Variants in HERC4 observed in about 807,000 individuals in gnomAD.
HERC4 encodes probable E3 ubiquitin-protein ligase HERC4.
A neutral mutation model predicts 124.3 loss-of-function variants in HERC4; 28 were observed. The observed-to-expected ratio is 0.23, with a 90% CI of 0.17 to 0.31. The LOEUF (loss-of-function observed/expected upper bound fraction) is 0.31. Ranked by LOEUF, HERC4 falls within the 10% of genes least tolerant of loss-of-function variation. The pLI, the probability that HERC4 is intolerant of heterozygous loss-of-function variation, is 1.00. For missense variants in HERC4, 713 were observed against 1,229.3 expected, an observed-to-expected ratio of 0.58 and a Z score of 6.28; for synonymous variants, 407 against 421.5, an observed-to-expected ratio of 0.97 and a Z score of 0.42.
intron 9 of HERC4, among the ~76,000 whole-genome samples, chr10:68,011,803 T>TA (rs1334730453): frequency 1.3e-5 from 2 of 152,224 alleles, no homozygotes; most frequent in Non-Finnish European, 2.9e-5. Context: ...CATTAGACCC[T>TA]AAAAGAGAGT....
chr10:68,053,449 A>G (rs745440006), intron 3 of HERC4, among the ~76,000 whole-genome samples: 2 of 151,962 alleles, frequency 1.3e-5, no homozygotes, highest in Admixed American at 6.6e-5. Flanking sequence ...GACCACGGAC[A>G]TGAGCTACCA....
At position 67,992,227 on chromosome 10, in the gene HERC4, A is replaced by T. The variant is rs751234131; in HGVS notation, c.1243T>A (p.Ser415Thr). 16 of 1,613,932 alleles carry T rather than the reference A, an allele frequency of 9.9e-6. No homozygotes were observed. The highest frequency in any genetic ancestry group is 1.4e-5 in the Non-Finnish European group (16 of 1,179,940). The change falls in exon 11 of 25, where the codon TCT becomes ACT. Residue 415 changes from serine (S) to threonine (T), a missense_variant. Ser to Thr is a moderately conservative substitution (Grantham distance 58, BLOSUM62 1). Coordinates refer to ENST00000373700, the MANE Select transcript of HERC4 (RefSeq NM_015601.4). ...GCTATCTCCACAGGAAACCTTCCAGAAGGATAGCTCAGCCATTTCTGAATT... is the reference window on the plus strand; with the variant it reads ...GCTATCTCCACAGGAAACCTTCCAGTAGGATAGCTCAGCCATTTCTGAATT... ...ALIQKWLSYP[S>T]GRFPVEIANE... is the part of the protein sequence containing the mutation.
At chr10:67,927,430 A>ATATATATATATTTTTTT (rs1564911511) in intron 23 of HERC4, among the ~76,000 whole-genome samples, 1 of 37,926 alleles carries the variant, frequency 2.6e-5, no homozygotes, top group African/African-American at 5.8e-5. Flanking sequence ...ATATATATAT[A>ATATATATATATTTTTTT]TTTTTTTTTT....
chr10:68,061,086 G>A (rs532858659), intron 3 of HERC4, among the ~76,000 whole-genome samples: 2 of 152,106 alleles, frequency 1.3e-5, no homozygotes, highest in African/African-American at 4.8e-5. Context: ...CAGCATTATC[G>A]CAAAAGGTGT....
chr10:68,040,695 C>A (rs941777945), intron 4 of HERC4: 10 of 154,432 alleles, frequency 6.5e-5, no homozygotes, highest in African/African-American at 2.4e-4. Flanking sequence ...TCAAGACCAG[C>A]CTGGCCAAAA....
intron 9 of HERC4, chr10:67,996,048 G>A (rs1183820823): frequency 4.8e-5 from 19 of 397,578 alleles, no homozygotes; most frequent in South Asian, 3.6e-4. Flanking sequence ...GCTCATACCT[G>A]TAATCCCAGC....
chr10:68,022,533 AAAT>A lies in HERC4; in HGVS notation c.908+3010_908+3012del, dbSNP rs556218300. Among the ~76,000 whole-genome samples, 46 of 151,072 alleles carry A rather than the reference AAAT, an allele frequency of 3.0e-4. 2 individuals carry two copies. The South Asian group carries it at 9.6e-3, about 31-fold the overall frequency. On this transcript the variant is annotated intron_variant, in intron 8 of 24. Coordinates refer to ENST00000373700, the MANE Select transcript of HERC4 (RefSeq NM_015601.4). The stretch of plus-strand genomic sequence containing the variant: ...TAAATAAATAAATAAATAAATAAAT[AAAT>A]AAATAAAATTCAAATAGATCAAAGA...
intron 16 of HERC4, among the ~76,000 whole-genome samples, chr10:67,957,852 G>A (rs956498678): frequency 2.6e-5 from 4 of 152,082 alleles, no homozygotes; most frequent in Non-Finnish European, 4.4e-5. Context: ...CTGATGCCGG[G>A]GCTGGAGTGC....
intron 15 of HERC4, among the ~76,000 whole-genome samples, chr10:67,972,920 TC>T (rs1223406802): frequency 6.6e-6 from 1 of 152,186 alleles, no homozygotes; most frequent in Non-Finnish European, 1.5e-5. Flanking sequence ...ATAGTTAACT[TC>T]CTTAAGAGAA....
At chr10:68,073,901 C>T (rs1199551375) in intron 1 of HERC4, 1 of 147,662 alleles carries the variant, frequency 6.8e-6, no homozygotes, top group Non-Finnish European at 1.5e-5. Context: ...AATTATAATA[C>T]AGAAAAAAAA....
chr10:68,035,949 C>T (rs1425578949), intron 5 of HERC4, among the ~76,000 whole-genome samples: 1 of 152,068 alleles, frequency 6.6e-6, no homozygotes, highest in Non-Finnish European at 1.5e-5. Flanking sequence ...GACTATATCA[C>T]GAAGGCTAGT....
At chr10:68,069,273 G>C (rs1471576533) in intron 3 of HERC4, 10 of 958,182 alleles carry the variant, frequency 1.0e-5, no homozygotes, top group Non-Finnish European at 8.7e-6. Flanking sequence ...AAATATATTT[G>C]TTAGCTATAA....
chr10:68,021,888 T>C (rs980362810), intron 8 of HERC4, among the ~76,000 whole-genome samples: 4 of 152,128 alleles, frequency 2.6e-5, no homozygotes, highest in Admixed American at 6.6e-5. Flanking sequence ...TATGATCATA[T>C]ATGTAGAACA....
intron 3 of HERC4, among the ~76,000 whole-genome samples, chr10:68,049,334 T>G (rs184948633): frequency 1.3e-3 from 193 of 152,240 alleles, no homozygotes; most frequent in Non-Finnish European, 2.2e-3. Flanking sequence ...GAAAACATAT[T>G]CATATTTGCT....
intron 16 of HERC4, among the ~76,000 whole-genome samples, chr10:67,959,992 C>T (rs1350181547): frequency 6.6e-6 from 1 of 152,212 alleles, no homozygotes; most frequent in Non-Finnish European, 1.5e-5. Flanking sequence ...TAGGAGGTGA[C>T]CTATAGACCT....
chr10:68,048,693 T>C (rs896605700), intron 3 of HERC4, among the ~76,000 whole-genome samples: 1 of 152,210 alleles, frequency 6.6e-6, no homozygotes, highest in Non-Finnish European at 1.5e-5. Flanking sequence ...TTGTTGATTT[T>C]AACAAATGTG....
At chr10:67,948,365 T>C (rs1234465961) in intron 19 of HERC4, among the ~76,000 whole-genome samples, 2 of 151,438 alleles carry the variant, frequency 1.3e-5, no homozygotes, top group Non-Finnish European at 2.9e-5. Context: ...GCTAAGGACA[T>C]GAATAGACAA....
intron 15 of HERC4, among the ~76,000 whole-genome samples, chr10:67,974,051 A>AT (rs1436133546): frequency 4.2e-5 from 6 of 143,004 alleles, no homozygotes; most frequent in African/African-American, 1.5e-4. Flanking sequence ...GTCTCAAAAA[A>AT]AAAAAAAAAA....
intron 24 of HERC4, among the ~76,000 whole-genome samples, chr10:67,923,880 C>T (rs536387904): frequency 3.3e-5 from 5 of 151,702 alleles, no homozygotes; most frequent in Non-Finnish European, 7.4e-5. Flanking sequence ...GAAATGTCAC[C>T]GATTTGGACA....
Sources: allele counts gnomAD v4.1 joint callset (sites outside exome capture counted in the v4.1 genomes callset), GRCh38; gene constraint gnomAD v4.1.1; transcripts MANE v1.5; gene names NCBI Gene and HGNC (gene_info 2026-07-23, HGNC 2026-07-21).